The following CLIC2 variants were observed in gnomAD, a reference collection of about 807,000 sequenced individuals.
CLIC2 encodes the protein CLIC family member 2, also known as chloride intracellular channel protein 2.
A neutral mutation model predicts 14.8 loss-of-function variants in CLIC2; 9 were observed. That is an observed-to-expected ratio of 0.61 (90% CI 0.37 to 1.06). CLIC2 has a LOEUF of 1.06. Ranked by LOEUF, CLIC2 falls within the 50% of genes least tolerant of loss-of-function variation. The pLI is 0.01. For missense variants in CLIC2, 148 were observed against 181.4 expected (o/e 0.82, Z 1.06); for synonymous variants, 61 against 66.3 (o/e 0.92, Z 0.39).
Position 155,277,713 on chromosome X carries a change from A to G in CLIC2, c.*190T>C, listed in dbSNP as rs782360968. Reference sequence around the variant, plus strand: ...CCATACAGATAAAGAAAATTAAGTAAAAGTATGAAGACCTGTAAAATACAG... The same window carrying G: ...CCATACAGATAAAGAAAATTAAGTAGAAGTATGAAGACCTGTAAAATACAG... On this transcript the variant is annotated 3_prime_UTR_variant, in exon 6 of 6. Transcript: ENST00000369449. 3.1e-5 allele frequency: 13 copies of G among 413,420 alleles called. No individual in the cohort carries two copies. In the East Asian group the frequency reaches 5.3e-4, roughly 17 times the overall value. 34.1% of individuals were successfully genotyped at this position (413,420 alleles called of 1,213,427 possible).
chrX:155,278,885 G>T, intron 5 of CLIC2: 1 of 304,805 alleles, frequency 3.3e-6, no homozygotes, highest in South Asian at 5.1e-5. Flanking sequence ...AATAAGCCTT[G>T]ATCATGCCAC....
intron 1 of CLIC2, among the ~76,000 whole-genome samples, chrX:155,302,213 C>T (rs1460664018): frequency 9.3e-6 from 1 of 107,874 alleles, no homozygotes; most frequent in African/African-American, 3.4e-5. Flanking sequence ...TGGTCCTGGA[C>T]TCTTTTTGGT....
intron 1 of CLIC2, among the ~76,000 whole-genome samples, chrX:155,316,094 C>T (rs899187806): frequency 3.6e-5 from 4 of 111,173 alleles, no homozygotes; most frequent in Admixed American, 9.6e-5. Flanking sequence ...CACCTAACAC[C>T]AGAGCTCCTG....
chrX:155,276,459 A>G lies in CLIC2; in HGVS notation c.*1444T>C, dbSNP rs2074898778. Reference sequence around the variant, plus strand: ...TAGTCACCCTACTGTGGTGAATGCCAAAATTTATTCTTCCTAGGTGTAACT... The same window carrying G: ...TAGTCACCCTACTGTGGTGAATGCCGAAATTTATTCTTCCTAGGTGTAACT... On this transcript the variant is annotated 3_prime_UTR_variant, in exon 6 of 6. Transcript: ENST00000369449. 8.9e-6 allele frequency: 1 copy of G among 111,831 alleles called. No homozygotes were observed. The highest frequency in any genetic ancestry group is 3.2e-5 in the African/African-American group (1 of 30,829). 9.2% of individuals were successfully genotyped at this position (111,831 alleles called of 1,213,427 possible). A position where few individuals can be genotyped will look rare whatever the true frequency, so the allele number is the denominator to read the frequency against.
chrX:155,316,863 A>C (rs930917165), intron 1 of CLIC2, among the ~76,000 whole-genome samples: 1 of 110,357 alleles, frequency 9.1e-6, no homozygotes, highest in Admixed American at 9.8e-5. Context: ...ATCTTTTTAT[A>C]TTTTTCTGCC....
At chrX:155,302,022 A>T in intron 1 of CLIC2, among the ~76,000 whole-genome samples, 1 of 101,753 alleles carries the variant, frequency 9.8e-6, no homozygotes, top group East Asian at 3.2e-4. Flanking sequence ...TTCATCAAGG[A>T]TATTGGTCTA....
rs1557320350 is a variant in CLIC2, at chrX:155,309,651, A to C, written c.58-10506T>G. 1.4e-5 allele frequency: 3 copies of C among 217,776 alleles called. No individual in the cohort carries two copies. In the South Asian group the frequency reaches 1.7e-4, roughly 12 times the overall value. The allele number at this position is 217,776 out of a possible 1,213,427, so 17.9% of individuals were successfully genotyped here. A position where few individuals can be genotyped will look rare whatever the true frequency, so the allele number is the denominator to read the frequency against. On this transcript the variant is annotated intron_variant, in intron 1 of 5. Coordinates refer to ENST00000369449, the MANE Select transcript of CLIC2 (RefSeq NM_001289.6). Reference sequence around the variant, plus strand: ...CTCACATGGCAGCAGACAAGAGAAGAGAATGAGAGCCAAGTGAAAGGGGCC... The same window carrying C: ...CTCACATGGCAGCAGACAAGAGAAGCGAATGAGAGCCAAGTGAAAGGGGCC...
chrX:155,313,573 C>G (rs1557320836), intron 1 of CLIC2, among the ~76,000 whole-genome samples: 1 of 112,245 alleles, frequency 8.9e-6, no homozygotes, highest in Non-Finnish European at 1.9e-5. Flanking sequence ...AGATAGGAGG[C>G]AGCACTAGCT....
intron 1 of CLIC2, among the ~76,000 whole-genome samples, chrX:155,328,600 A>G (rs1434972203): frequency 9.1e-6 from 1 of 109,755 alleles, no homozygotes; most frequent in Non-Finnish European, 1.9e-5. Flanking sequence ...ATTTAATGCA[A>G]TCCCTATCAA....
At chrX:155,303,112 C>T (rs1446666611) in intron 1 of CLIC2, among the ~76,000 whole-genome samples, 5 of 96,120 alleles carry the variant, frequency 5.2e-5, no homozygotes, top group Admixed American at 1.2e-4. Flanking sequence ...GGTGCAGAGC[C>T]GAGTTCAATT....
chrX:155,333,275 G>C (rs1397916422), intron 1 of CLIC2, among the ~76,000 whole-genome samples: 1 of 111,247 alleles, frequency 9.0e-6, no homozygotes, highest in African/African-American at 3.3e-5. Flanking sequence ...TTAGAGGCAA[G>C]TTACTTAAAC....
chrX:155,316,945 C>T (rs1557321142), intron 1 of CLIC2, among the ~76,000 whole-genome samples: 1 of 111,313 alleles, frequency 9.0e-6, no homozygotes, highest in African/African-American at 3.3e-5. Context: ...GTGTGCCTTT[C>T]CCAGCCCACT....
chrX:155,308,754 A>T (rs1484183703), intron 1 of CLIC2, among the ~76,000 whole-genome samples: 2 of 112,165 alleles, frequency 1.8e-5, no homozygotes, highest in African/African-American at 6.5e-5. Flanking sequence ...AGAGAGTGGC[A>T]TGACACAGTG....
intron 3 of CLIC2, among the ~76,000 whole-genome samples, chrX:155,280,985 T>A (rs1380220331): frequency 1.6e-5 from 1 of 61,382 alleles, no homozygotes; most frequent in Non-Finnish European, 3.0e-5. Context: ...ATATAGAAAT[T>A]GTGAGATATA....
intron 1 of CLIC2, among the ~76,000 whole-genome samples, chrX:155,328,075 A>C (rs1420117077): frequency 9.0e-6 from 1 of 111,242 alleles, no homozygotes; most frequent in African/African-American, 3.3e-5. Context: ...ACAAAAACTG[A>C]AATCCTGTCC....
chrX:155,333,745 C>A (rs1485566707), intron 1 of CLIC2, among the ~76,000 whole-genome samples: 1 of 104,053 alleles, frequency 9.6e-6, no homozygotes, highest in African/African-American at 3.5e-5. Flanking sequence ...AAAAAAAAAA[C>A]AACTCCATGG....
At chrX:155,307,528 T>C (rs2075060052) in intron 1 of CLIC2, among the ~76,000 whole-genome samples, 1 of 111,811 alleles carries the variant, frequency 8.9e-6, no homozygotes, top group Non-Finnish European at 1.9e-5. Context: ...AAGTCTTGTA[T>C]CTATAACATA....
At position 155,289,716 on chromosome X, in the gene CLIC2, C is replaced by T. The variant is rs1158876305; in HGVS notation, c.293+9069G>A. Among the ~76,000 whole-genome samples, 4 of 111,881 alleles carry T rather than the reference C, an allele frequency of 3.6e-5. No homozygotes were observed. In the Admixed American group the frequency reaches 3.8e-4, roughly 11 times the overall value. ...AAGGCTGTTTAAAGTCTTTCAATGT[C>T]ATCAGAAATCCTGCAGTATAGAAAA... is the stretch of plus-strand genomic sequence containing the variant. On this transcript the variant is annotated intron_variant, in intron 3 of 5. Coordinates refer to ENST00000369449, the MANE Select transcript of CLIC2 (RefSeq NM_001289.6).
At chrX:155,280,847 G>C (rs1473786595) in intron 3 of CLIC2, among the ~76,000 whole-genome samples, 4 of 110,036 alleles carry the variant, frequency 3.6e-5, no homozygotes, top group African/African-American at 1.3e-4. Context: ...ATAATGACTA[G>C]ATGCAGAAAA....
Sources: allele counts gnomAD v4.1 joint callset (sites outside exome capture counted in the v4.1 genomes callset), GRCh38; gene constraint gnomAD v4.1.1; transcripts MANE v1.5; gene names NCBI Gene and HGNC (gene_info 2026-07-23, HGNC 2026-07-21).